Variants in ADAMTS12 observed in about 807,000 individuals in gnomAD.
The protein encoded by ADAMTS12 is ADAM metallopeptidase with thrombospondin type 1 motif 12, also known as A disintegrin and metalloproteinase with thrombospondin motifs 12.
Under a neutral mutation model 167.8 loss-of-function variants are expected in ADAMTS12, and 118 were observed. The ratio of observed to expected loss-of-function variants is 0.70; its 90% CI spans 0.61 to 0.82. ADAMTS12 has a LOEUF of 0.82. ADAMTS12 is among the 40% of genes least tolerant of loss of function. The pLI, the probability that ADAMTS12 is intolerant of heterozygous loss-of-function variation, is 0.00. For missense variants in ADAMTS12, 1,916 were observed against 1,998.8 expected, an observed-to-expected ratio of 0.96 and a Z score of 0.79; for synonymous variants, 704 against 716.9, an observed-to-expected ratio of 0.98 and a Z score of 0.29.
intron 3 of ADAMTS12, among the ~76,000 whole-genome samples, chr5:33,744,123 C>G (rs1744699258): frequency 6.6e-6 from 1 of 152,148 alleles, no homozygotes; most frequent in South Asian, 2.1e-4. Flanking sequence ...TGGGAACACC[C>G]CTGGGCATAA....
intron 2 of ADAMTS12, among the ~76,000 whole-genome samples, chr5:33,805,818 T>C (rs1030459935): frequency 8.7e-5 from 13 of 149,976 alleles, no homozygotes; most frequent in African/African-American, 3.0e-4. Flanking sequence ...AGCCCAGGAG[T>C]TCGAGGTTAC....
intron 22 of ADAMTS12, among the ~76,000 whole-genome samples, chr5:33,545,235 AT>A (rs200843362): frequency 0.017 from 2,614 of 152,348 alleles, 71 homozygotes; most frequent in African/African-American, 0.06. Flanking sequence ...GAAGACATTT[AT>A]GCAGCCAACA....
At position 33,734,537 on chromosome 5, in the gene ADAMTS12, C is replaced by A. The variant is rs2112358467; in HGVS notation, c.634+16867G>T. ...AGGAAGACAGCTAACATGTTTTCCA[C>A]ATTTAATTTACTGTGCTAAACATAA... On this transcript the variant is annotated intron_variant, in intron 3 of 23. Transcript: ENST00000504830. Among the ~76,000 whole-genome samples the A allele has an allele frequency of 1.3e-5, 2 of 152,300 alleles. 1 individual carries two copies. The highest frequency in any genetic ancestry group is 4.1e-4 in the South Asian group (2 of 4,828).
chr5:33,823,642 ACAT>A (rs1025037051), intron 2 of ADAMTS12, among the ~76,000 whole-genome samples: 2 of 135,744 alleles, frequency 1.5e-5, no homozygotes, highest in African/African-American at 5.6e-5. Flanking sequence ...TATTGCTATA[ACAT>A]TTTCTGCCTT....
intron 17 of ADAMTS12, among the ~76,000 whole-genome samples, chr5:33,591,255 A>G (rs1030026162): frequency 6.6e-6 from 1 of 152,110 alleles, no homozygotes; most frequent in Non-Finnish European, 1.5e-5. Flanking sequence ...TATTTTTAAA[A>G]GAACCCTTCT....
intron 3 of ADAMTS12, among the ~76,000 whole-genome samples, chr5:33,691,450 G>A (rs1330823239): frequency 1.3e-5 from 2 of 152,284 alleles, no homozygotes; most frequent in African/African-American, 4.8e-5. Context: ...GGAAATGAAG[G>A]GGAGCAAAGT....
intron 19 of ADAMTS12, among the ~76,000 whole-genome samples, chr5:33,562,758 A>G (rs888478809): frequency 4.6e-5 from 7 of 151,946 alleles, no homozygotes; most frequent in African/African-American, 1.7e-4. Context: ...CAGCCACCTA[A>G]CTAGCTGGAA....
intron 5 of ADAMTS12, among the ~76,000 whole-genome samples, chr5:33,674,618 A>T (rs1416379621): frequency 2.0e-5 from 3 of 152,124 alleles, no homozygotes; most frequent in Non-Finnish European, 4.4e-5. Context: ...AGCTGGAATA[A>T]AACCCACTGT....
intron 22 of ADAMTS12, 61 bp from the exon 23 acceptor site, chr5:33,535,053 G>A: frequency 6.7e-7 from 1 of 1,492,028 alleles, no homozygotes; most frequent in Non-Finnish European, 9.0e-7. Flanking sequence ...GGAAACACCA[G>A]TAGAACACCT....
intron 3 of ADAMTS12, among the ~76,000 whole-genome samples, chr5:33,705,154 G>A (rs56022747): frequency 0.53 from 80,655 of 151,724 alleles, 24,337 homozygotes; most frequent in Non-Finnish European, 0.69. Flanking sequence ...AACATATCGT[G>A]TTTGGTTTTC....
At chr5:33,559,541 G>C (rs1268193527) in intron 20 of ADAMTS12, among the ~76,000 whole-genome samples, 1 of 152,212 alleles carries the variant, frequency 6.6e-6, no homozygotes, top group East Asian at 1.9e-4. Context: ...ACAGCAAAAT[G>C]AGTAATCACA....
intron 1 of ADAMTS12, among the ~76,000 whole-genome samples, chr5:33,881,968 C>T (rs546602349): frequency 1.3e-5 from 2 of 152,266 alleles, no homozygotes; most frequent in East Asian, 1.9e-4. Flanking sequence ...CCCAGAACAA[C>T]TCAAATTTAC....
At chr5:33,727,591 C>T (rs949760001) in intron 3 of ADAMTS12, among the ~76,000 whole-genome samples, 5 of 152,218 alleles carry the variant, frequency 3.3e-5, no homozygotes, top group African/African-American at 1.2e-4. Context: ...GCTTTTGGCT[C>T]TCTTTCCAAG....
At chr5:33,657,382 A>T (rs577324832) in intron 7 of ADAMTS12, among the ~76,000 whole-genome samples, 53 of 152,276 alleles carry the variant, frequency 3.5e-4, no homozygotes, top group African/African-American at 1.3e-3. Context: ...GATATAATTC[A>T]GCTGTTCATG....
Position 33,567,038 on chromosome 5 carries a change from T to C in ADAMTS12, c.3973-5859A>G, listed in dbSNP as rs115712993. On this transcript the variant is annotated intron_variant, in intron 19 of 23. Transcript: ENST00000504830. ...ACTGGAATCATCACCTTGTATTGCC[T>C]TGTGACTGAGAAGTCAACACCTCTT... Among the ~76,000 whole-genome samples the C allele has an allele frequency of 6.7e-3, 1,028 of 152,354 alleles. 13 individuals are homozygous for C. The highest frequency in any genetic ancestry group is 0.024 in the African/African-American group (997 of 41,570).
In ADAMTS12 at chr5:33,643,401, C is replaced by T. The variant is rs1271031700; in HGVS notation, c.1549G>A (p.Gly517Arg). 1 of 1,614,162 alleles carries T rather than the reference C, an allele frequency of 6.2e-7. No homozygotes were observed. Among genetic ancestry groups the T allele is most frequent in the Non-Finnish European group, 8.5e-7 (1 of 1,179,984 alleles). ...ACCTTCTTCTCACCACATTGAGTTC[C>T]ATCTGCAGCAGCGTCCAGCTTAGAG... ...CRSKLDAAADGTQCGEKKWCM... is the reference protein window; with the variant it reads ...CRSKLDAAADRTQCGEKKWCM... Residue 517 changes from glycine to arginine, a missense_variant, in exon 10 of 24, where the codon GGA (glycine) becomes AGA (arginine). By Grantham distance (125) the Gly-to-Arg change is moderately radical (BLOSUM62 -2). Coordinates refer to ENST00000504830, the MANE Select transcript of ADAMTS12 (RefSeq NM_030955.4).
In ADAMTS12 at chr5:33,596,023, G is replaced by A; in HGVS notation, c.2565C>T (p.Gly855=). 1 of 1,614,028 alleles carries A rather than the reference G, an allele frequency of 6.2e-7. No homozygotes were observed. Among genetic ancestry groups the A allele is most frequent in the Non-Finnish European group, 8.5e-7 (1 of 1,179,966 alleles). ...RRQTAHCIKK[G]RGMVKATFCD... is the part of the protein sequence containing the mutation. ...AGAATGTAGCTTTCACCATCCCGCG[G>A]CCCTTCTTTATGCAATGGGCAGTTT... The change falls in exon 17 of 24, where the codon GGC becomes GGT. Residue 855 remains glycine (G), a synonymous_variant. Coordinates refer to ENST00000504830, the MANE Select transcript of ADAMTS12 (RefSeq NM_030955.4).
chr5:33,786,645 G>C (rs1483443418), intron 2 of ADAMTS12, among the ~76,000 whole-genome samples: 1 of 152,146 alleles, frequency 6.6e-6, no homozygotes, highest in Non-Finnish European at 1.5e-5. Flanking sequence ...TGGGTCCTAG[G>C]AGTCTGTTTT....
rs1011105149 is a variant in ADAMTS12, at chr5:33,853,090, G to A, written c.489+28029C>T. Among the ~76,000 whole-genome samples the A allele has an allele frequency of 2.6e-5, 4 of 152,166 alleles. No individual in the cohort carries two copies. In the South Asian group the frequency reaches 6.2e-4, roughly 24 times the overall value. On this transcript the variant is annotated intron_variant, in intron 2 of 23. Coordinates refer to ENST00000504830, the MANE Select transcript of ADAMTS12 (RefSeq NM_030955.4). Reference sequence around the variant, plus strand: ...GCATGGGTACTGTCCTCCCGGAACCGAGCAGGGAGCCTAATTCTTGTTTTG... The same window carrying A: ...GCATGGGTACTGTCCTCCCGGAACCAAGCAGGGAGCCTAATTCTTGTTTTG...
Sources: gnomAD v4.1 joint callset for allele counts (sites outside exome capture counted in the v4.1 genomes callset) on GRCh38, gnomAD v4.1.1 for gene constraint, MANE v1.5 for transcripts, NCBI Gene and HGNC (gene_info 2026-07-23, HGNC 2026-07-21) for gene names.